Variants in FLT3 observed in about 807,000 individuals in gnomAD.
The protein encoded by FLT3 is receptor-type tyrosine-protein kinase FLT3.
Under a neutral mutation model 126.6 loss-of-function variants are expected in FLT3, and 46 were observed. The ratio of observed to expected loss-of-function variants is 0.36; its 90% CI spans 0.29 to 0.46. FLT3 has a LOEUF of 0.46. Ranked by LOEUF, FLT3 falls within the 20% of genes least tolerant of loss-of-function variation. The pLI is 1.00. For missense variants in FLT3, 1,069 were observed against 1,190.3 expected, an observed-to-expected ratio of 0.90 and a Z score of 1.50; for synonymous variants, 404 against 434.4, an observed-to-expected ratio of 0.93 and a Z score of 0.87.
At chr13:28,086,479 G>C (rs1878680147) in intron 1 of FLT3, among the ~76,000 whole-genome samples, 1 of 151,994 alleles carries the variant, frequency 6.6e-6, no homozygotes, top group Admixed American at 6.6e-5. Context: ...TTTAAACAGT[G>C]AATTGTCTTT....
intron 1 of FLT3, among the ~76,000 whole-genome samples, chr13:28,099,874 T>C (rs750959064): frequency 7.2e-5 from 11 of 152,204 alleles, no homozygotes; most frequent in Non-Finnish European, 1.6e-4. Flanking sequence ...TCTGTTTGCA[T>C]AATATTTCCT....
intron 1 of FLT3, among the ~76,000 whole-genome samples, chr13:28,084,290 C>A (rs950409081): frequency 5.3e-5 from 8 of 151,684 alleles, no homozygotes; most frequent in Non-Finnish European, 1.0e-4. Context: ...ACTGTACTGG[C>A]CTCTTTCTGT....
intron 1 of FLT3, among the ~76,000 whole-genome samples, chr13:28,088,430 G>T (rs2137821732): frequency 6.6e-6 from 1 of 152,090 alleles, no homozygotes; most frequent in African/African-American, 2.4e-5. Context: ...TGGAATTACA[G>T]GTGCACACCA....
Position 28,100,361 on chromosome 13 carries a change from G to A in FLT3, c.43+107C>T. On this transcript the variant is annotated intron_variant, in intron 1 of 23. Coordinates refer to ENST00000241453, the MANE Select transcript of FLT3 (RefSeq NM_004119.3). The surrounding 1 kb of genome is among the most constrained non-coding windows in gnomAD (Gnocchi z 4.8). The stretch of plus-strand genomic sequence containing the variant: ...GGAGGCAATGGAAGGAGCGAGCGCG[G>A]GGAGGAGCGAGGCGGCTGGGCCGGA... 2.6e-6 allele frequency: 2 copies of A among 764,622 alleles called. No individual in the cohort carries two copies. The highest frequency in any genetic ancestry group is 3.6e-5 in the East Asian group (1 of 27,426). The allele number at this position is 764,622 out of a possible 1,614,324, so 47.4% of individuals were successfully genotyped here.
chr13:28,028,834 T>G, intron 15 of FLT3, among the ~76,000 whole-genome samples: 1 of 146,400 alleles, frequency 6.8e-6, no homozygotes, highest in African/African-American at 2.5e-5. Context: ...CAGGCTGGAG[T>G]GTAGTGACAT....
At chr13:28,035,873 G>C (rs2137682819) in intron 11 of FLT3, 62 bp downstream of exon 11, 3 of 1,347,682 alleles carry the variant, frequency 2.2e-6, no homozygotes, top group Non-Finnish European at 2.1e-6. Flanking sequence ...ATTCATGAAA[G>C]AGTCAATAGG....
intron 10 of FLT3, among the ~76,000 whole-genome samples, 198 bp downstream of exon 10, chr13:28,036,987 A>G (rs1873890019): frequency 6.6e-6 from 1 of 152,224 alleles, no homozygotes; most frequent in Non-Finnish European, 1.5e-5. Context: ...AAAATGAAAC[A>G]GAACAAAATA....
chr13:28,010,450 T>C (rs963947360), intron 23 of FLT3, among the ~76,000 whole-genome samples: 3 of 152,128 alleles, frequency 2.0e-5, no homozygotes, highest in Admixed American at 6.6e-5. Flanking sequence ...ACTAGGGAAA[T>C]TGGGGGAGGC....
chr13:28,023,869 G>T (rs1409899087), intron 18 of FLT3, among the ~76,000 whole-genome samples: 1 of 151,772 alleles, frequency 6.6e-6, no homozygotes, highest in East Asian at 1.9e-4. Flanking sequence ...ATCTTGGCCT[G>T]CTGCAACTGG....
intron 19 of FLT3, 104 bp from the exon 20 acceptor site, chr13:28,018,693 G>T (rs2137625473): frequency 8.0e-7 from 1 of 1,254,538 alleles, no homozygotes; most frequent in Non-Finnish European, 1.1e-6. Flanking sequence ...GGTGATGGAA[G>T]GCCTCTTATC....
chr13:28,033,401 C>T (rs1055789022), intron 15 of FLT3, among the ~76,000 whole-genome samples: 2 of 152,324 alleles, frequency 1.3e-5, no homozygotes, highest in East Asian at 3.9e-4. Flanking sequence ...CAGTGGCTCA[C>T]GCCTGTAATC....
rs2137624542 is a variant in FLT3 at position 28,018,608 on chromosome 13, G to A, written c.2419-19C>T. 6.2e-7 allele frequency: 1 copy of A among 1,613,332 alleles called. No individual in the cohort carries two copies. Among genetic ancestry groups the A allele is most frequent in the South Asian group, 1.1e-5 (1 of 91,022 alleles). On this transcript the variant is annotated intron_variant, in intron 19 of 23. Coordinates refer to ENST00000241453, the MANE Select transcript of FLT3 (RefSeq NM_004119.3). ...GAACACACTGTCAAGAATGACACCA[G>A]AGTGTTATTTACTGTGATGTGTATT... is the stretch of plus-strand genomic sequence containing the variant.
At chr13:28,068,863 T>C (rs1199779070) in intron 2 of FLT3, among the ~76,000 whole-genome samples, 1 of 152,136 alleles carries the variant, frequency 6.6e-6, no homozygotes, top group Non-Finnish European at 1.5e-5. Flanking sequence ...AGGTGTGAGC[T>C]ACTGTACCTG....
At chr13:28,026,449 A>G (rs998280883) in intron 17 of FLT3, among the ~76,000 whole-genome samples, 4 of 151,996 alleles carry the variant, frequency 2.6e-5, no homozygotes, top group African/African-American at 4.8e-5. Flanking sequence ...CTACAAAGCC[A>G]TGATGCTCAA....
intron 1 of FLT3, among the ~76,000 whole-genome samples, chr13:28,080,340 C>T (rs1031876046): frequency 2.0e-5 from 3 of 152,196 alleles, no homozygotes; most frequent in Non-Finnish European, 2.9e-5. Context: ...CGCACCACTG[C>T]TCTCCAGCCT....
At chr13:28,011,446 G>A (rs568051311) in intron 23 of FLT3, among the ~76,000 whole-genome samples, 39 of 152,106 alleles carry the variant, frequency 2.6e-4, no homozygotes, top group African/African-American at 8.2e-4. Flanking sequence ...TCCAACCAAG[G>A]GACTAGATAG....
intron 9 of FLT3, among the ~76,000 whole-genome samples, chr13:28,046,501 G>A (rs1240348022): frequency 6.6e-6 from 1 of 152,092 alleles, no homozygotes; most frequent in East Asian, 1.9e-4. Context: ...AAAGGAAGCA[G>A]GTGAAATTAA....
intron 15 of FLT3, among the ~76,000 whole-genome samples, chr13:28,029,325 G>A (rs1456603854): frequency 6.9e-6 from 1 of 145,210 alleles, no homozygotes; most frequent in Non-Finnish European, 1.5e-5. Flanking sequence ...TGGGGAGGCA[G>A]AGGTTGCAGT....
chr13:28,081,864 T>C (rs1345030928), intron 1 of FLT3, among the ~76,000 whole-genome samples: 1 of 115,956 alleles, frequency 8.6e-6, no homozygotes, highest in Non-Finnish European at 1.9e-5. Flanking sequence ...TTTTTTTTTT[T>C]TTTTTTTTGT....
Sources: gnomAD v4.1 joint callset for allele counts (sites outside exome capture counted in the v4.1 genomes callset) on GRCh38, gnomAD v4.1.1 for gene constraint, Gnocchi (gnomAD v3.1) non-coding constraint, MANE v1.5 for transcripts, NCBI Gene and HGNC (gene_info 2026-07-23, HGNC 2026-07-21) for gene names.